Variants in SELENON observed in about 807,000 individuals in gnomAD.
SELENON encodes selenoprotein N.
In SELENON, 44 loss-of-function variants were observed where a neutral mutation model predicts 59.5. That is an observed-to-expected ratio of 0.74 (90% CI 0.58 to 0.95). The LOEUF is 0.95. Among genes scored for constraint, SELENON ranks in the 40% least tolerant of loss-of-function variants. SELENON has a pLI of 0.00. For synonymous variants in SELENON, 320 were observed against 305.6 expected (o/e 1.05, Z -0.49); for missense variants, 674 against 721.4 (o/e 0.93, Z 0.75).
At chr1:25,808,176 G>A (rs926528348) in intron 4 of SELENON, among the ~76,000 whole-genome samples, 14 of 152,370 alleles carry the variant, frequency 9.2e-5, no homozygotes, top group Middle Eastern at 6.8e-3. Flanking sequence ...AGGCAGGGTG[G>A]TGGCACCCAA....
At chr1:25,802,134 G>A in intron 3 of SELENON, 1 of 242,286 alleles carries the variant, frequency 4.1e-6, no homozygotes, top group Non-Finnish European at 8.6e-6. Flanking sequence ...GGGACCACAG[G>A]CATGTGCTAC....
At chr1:25,805,723 G>C (rs1447319691) in intron 4 of SELENON, among the ~76,000 whole-genome samples, 1 of 152,174 alleles carries the variant, frequency 6.6e-6, no homozygotes, top group Admixed American at 6.5e-5. Flanking sequence ...GCTCCTGATA[G>C]GTACTCTGTT....
chr1:25,809,645 G>T, intron 6 of SELENON, 38 bp from the exon 6 acceptor site: 1 of 1,611,462 alleles, frequency 6.2e-7, no homozygotes, highest in Non-Finnish European at 8.5e-7. Context: ...TGGGGAGAAG[G>T]TGGGCAGCTC....
Position 25,808,770 on chromosome 1 carries a change from C to T in SELENON, c.728C>T (p.Pro243Leu), listed in dbSNP as rs745856385. 33 of 1,613,758 alleles carry T rather than the reference C, an allele frequency of 2.0e-5. No homozygotes were observed. The highest frequency in any genetic ancestry group is 1.2e-4 in the Admixed American group (7 of 60,012). The change falls in exon 5 of 13, where the codon CCG becomes CTG. Residue 243 changes from proline (P) to leucine (L), a missense_variant. Physicochemically the swap from Pro to Leu is moderately conservative, Grantham distance 98. Coordinates refer to ENST00000361547, the MANE Select transcript of SELENON (RefSeq NM_020451.3). ...CTGTCCAACAACCGCTTCTATCCAC[C>T]GCCGCCCAAGGGCAAGGAGGTGAGG...
At chr1:25,809,861 A>G in intron 7 of SELENON, 41 bp downstream of exon 6, 1 of 1,608,438 alleles carries the variant, frequency 6.2e-7, no homozygotes, top group Non-Finnish European at 8.5e-7. Flanking sequence ...TCCCTCCTAC[A>G]GCTTGTCCTG....
rs2047850993 is a variant in SELENON, at chr1:25,800,433, G to A, written c.183+20G>A. 1 of 1,092,732 alleles carries A rather than the reference G, an allele frequency of 9.2e-7. No individual in the cohort carries two copies. Among genetic ancestry groups the A allele is most frequent in the African/African-American group, 1.7e-5 (1 of 59,956 alleles). The allele number at this position is 1,092,732 out of a possible 1,614,324, so 67.7% of individuals were successfully genotyped here. A position where few individuals can be genotyped will look rare whatever the true frequency, so the allele number is the denominator to read the frequency against. On this transcript the variant is annotated intron_variant, in intron 1 of 12. Transcript: ENST00000361547. ...CGGCAGGTCCGGGCCCGAGCTGGCT[G>A]GGGCGGGAGCGCGGGAGCGGGGACT... is the stretch of plus-strand genomic sequence containing the variant.
Position 25,814,188 on chromosome 1 carries a change from C to G in SELENON, c.1602+10C>G, listed in dbSNP as rs755403727. 6.2e-6 allele frequency: 10 copies of G among 1,610,010 alleles called. No homozygotes were observed. The highest frequency in any genetic ancestry group is 8.5e-6 in the Non-Finnish European group (10 of 1,177,136). On this transcript the variant is annotated intron_variant, in intron 12 of 12. Coordinates refer to ENST00000361547, the MANE Select transcript of SELENON (RefSeq NM_020451.3). Reference sequence around the variant, plus strand: ...GCCCAATGGCACCGTGGTAGGCACCCCCACTCAGACCCCACAGGGCCCAGG... The same window carrying G: ...GCCCAATGGCACCGTGGTAGGCACCGCCACTCAGACCCCACAGGGCCCAGG...
chr1:25,815,862 C>G lies in SELENON; in HGVS notation c.*144C>G, dbSNP rs58895091. 5,093 of 818,310 alleles carry G rather than the reference C, an allele frequency of 6.2e-3. 200 individuals are homozygous for G. The African/African-American group carries it at 0.075, about 12-fold the overall frequency. 50.7% of individuals were successfully genotyped at this position (818,310 alleles called of 1,614,324 possible). ...GTACAAGATCCACTGAGGGTGGCCACCACAGCCTTGGCTCCATGGTGGCGG... is the reference window on the plus strand; with the variant it reads ...GTACAAGATCCACTGAGGGTGGCCAGCACAGCCTTGGCTCCATGGTGGCGG... On this transcript the variant is annotated 3_prime_UTR_variant, in exon 13 of 13. Transcript: ENST00000361547.
chr1:25,809,574 C>T, intron 6 of SELENON, 109 bp from the exon 6 acceptor site: 1 of 1,516,246 alleles, frequency 6.6e-7, no homozygotes, highest in East Asian at 2.3e-5. Context: ...GGCCCATCCA[C>T]CTCCACCCCC....
intron 5 of SELENON, 100 bp from the exon 5 acceptor site, chr1:25,808,922 CCCCA>C: frequency 6.3e-7 from 1 of 1,588,708 alleles, no homozygotes; most frequent in Non-Finnish European, 8.6e-7. Flanking sequence ...CCTGCCCCCT[CCCCA>C]TGGGGCCCCT....
intron 7 of SELENON, 31 bp downstream of exon 6, chr1:25,809,851 T>A (rs2047943792): frequency 6.2e-7 from 1 of 1,610,234 alleles, no homozygotes; most frequent in South Asian, 1.1e-5. Flanking sequence ...CAGCCTTGGC[T>A]CCCTCCTACA....
rs367859333 is a variant in SELENON at position 25,815,648 on chromosome 1, C to G, written c.1703C>G (p.Pro568Arg). ...AGCTTCTCATCCACCTTTGAAGACC[C>G]GTCCACGGCCACCTACATGCAGTTC... Residue 568 changes from proline (P) to arginine (R), a missense_variant, in exon 13 of 13, where the codon CCG becomes CGG. Coordinates refer to ENST00000361547, the MANE Select transcript of SELENON (RefSeq NM_020451.3). 1.9e-6 allele frequency: 3 copies of G among 1,614,048 alleles called. No individual in the cohort carries two copies. The highest frequency in any genetic ancestry group is 2.2e-5 in the South Asian group (2 of 91,084).
rs746183564 is a variant in SELENON at position 25,807,074 on chromosome 1, G to A, written c.538-1506G>A. 6.6e-5 allele frequency among the ~76,000 whole-genome samples: 10 copies of A among 151,820 alleles called. No individual in the cohort carries two copies. The highest frequency in any genetic ancestry group is 2.1e-4 in the South Asian group (1 of 4,808). The stretch of plus-strand genomic sequence containing the variant: ...CCTGACCTCGTGATCCACCTGCCTC[G>A]GCCTCCCGAATTATAGGCGTACAGG... On this transcript the variant is annotated intron_variant, in intron 4 of 12. Transcript: ENST00000361547. This position sits in a 1 kb window ranked among gnomAD's most constrained non-coding sequence, Gnocchi z 4.5.
chr1:25,802,056 T>G lies in SELENON; in HGVS notation c.342T>G (p.Ser114Arg), dbSNP rs538851168. 3.3e-6 allele frequency: 1 copy of G among 299,238 alleles called. No individual in the cohort carries two copies. The highest frequency in any genetic ancestry group is 6.9e-6 in the Non-Finnish European group (1 of 144,522). 18.5% of individuals were successfully genotyped at this position (299,238 alleles called of 1,614,324 possible). A position where few individuals can be genotyped will look rare whatever the true frequency, so the allele number is the denominator to read the frequency against. Residue 114 changes from serine (S) to arginine (R), a missense_variant, in exon 3 of 13, where the codon AGT becomes AGG. Transcript: ENST00000361547. Reference sequence around the variant, plus strand: ...CCCAGACTGGAGTGCAGTGGTGCAGTCACAGCTCACTGCAGCCTCAACTTC... The same window carrying G: ...CCCAGACTGGAGTGCAGTGGTGCAGGCACAGCTCACTGCAGCCTCAACTTC...
At chr1:25,815,506 G>T (rs1446869252) in intron 12 of SELENON, 42 bp from the exon 12 acceptor site, 1 of 1,600,362 alleles carries the variant, frequency 6.2e-7, no homozygotes, top group Non-Finnish European at 8.6e-7. Context: ...GAGCCTGGGG[G>T]CCCCCCTCCG....
intron 3 of SELENON, among the ~76,000 whole-genome samples, chr1:25,804,622 C>A: frequency 7.1e-6 from 1 of 141,312 alleles, no homozygotes; most frequent in Non-Finnish European, 1.5e-5. Flanking sequence ...GCCCCTCCTA[C>A]AGCTGGGGCA....
Position 25,813,958 on chromosome 1 carries a change from A to T in SELENON, c.1465A>T (p.Thr489Ser), listed in dbSNP as rs1233090495. 6.2e-7 allele frequency: 1 copy of T among 1,614,014 alleles called. No homozygotes were observed. The highest frequency in any genetic ancestry group is 1.3e-5 in the African/African-American group (1 of 74,922). ...CCTGCTCAACGAGAGCTTCATCAGC[A>T]CCTGGTCCCTGGTGAAGGAGCTGGA... The change falls in exon 11 of 13, where the codon ACC becomes TCC. Residue 489 changes from threonine (T) to serine (S), a missense_variant. Thr to Ser is a moderately conservative substitution (Grantham distance 58). Coordinates refer to ENST00000361547, the MANE Select transcript of SELENON (RefSeq NM_020451.3).
Position 25,815,704 on chromosome 1 carries a change from C to G in SELENON, c.1759C>G (p.Leu587Val), listed in dbSNP as rs775059478. 8 of 1,614,070 alleles carry G rather than the reference C, an allele frequency of 5.0e-6. No homozygotes were observed. Among genetic ancestry groups the G allele is most frequent in the Non-Finnish European group, 5.9e-6 (7 of 1,180,016 alleles). ...GGAGGGACTCCGGCGTGGCCTGCCC[C>G]TCCTCCAGCCCTAGAGTGCCTGGAC... Residue 587 changes from leucine (L) to valine (V), a missense_variant, in exon 13 of 13, where the codon CTC (leucine) becomes GTC (valine). By Grantham distance (32) the Leu-to-Val change is conservative (BLOSUM62 1). Transcript: ENST00000361547.
chr1:25,809,797 C>G lies in SELENON; in HGVS notation c.987C>G (p.Phe329Leu). 2 of 1,613,988 alleles carry G rather than the reference C, an allele frequency of 1.2e-6. No homozygotes were observed. The highest frequency in any genetic ancestry group is 1.1e-5 in the South Asian group (1 of 91,086). ...AAGACGCCACCCACGTCCGCGACTT[C>G]CGGCTCTTCGTGCCCAACCACAGGT... Residue 329 changes from phenylalanine (F) to leucine (L), a missense_variant, in exon 7 of 13, where the codon TTC becomes TTG. Transcript: ENST00000361547.
Sources: gnomAD v4.1 joint callset for allele counts (sites outside exome capture counted in the v4.1 genomes callset) on GRCh38, gnomAD v4.1.1 for gene constraint, Gnocchi (gnomAD v3.1) non-coding constraint, MANE v1.5 for transcripts, NCBI Gene and HGNC (gene_info 2026-07-23, HGNC 2026-07-21) for gene names.